RBFOX1: variants seen among roughly 807,000 people sequenced by gnomAD.
The protein encoded by RBFOX1 is RNA binding protein fox-1 homolog 1.
Under a neutral mutation model 57.7 loss-of-function variants are expected in RBFOX1, and 8 were observed. The observed-to-expected ratio is 0.14, with a 90% CI of 0.08 to 0.25. The LOEUF is 0.25. Ranked by LOEUF, RBFOX1 falls within the 10% of genes least tolerant of loss-of-function variation. The pLI is 1.00. For synonymous variants in RBFOX1, 326 were observed against 222.4 expected (o/e 1.47, Z -4.15); for missense variants, 611 against 548.5 (o/e 1.11, Z -1.14).
chr16:7,167,994 G>T (rs139575337), intron 4 of RBFOX1, among the ~76,000 whole-genome samples: 1 of 152,086 alleles, frequency 6.6e-6, no homozygotes, highest in African/African-American at 2.4e-5. Context: ...ACAAGGTAAG[G>T]ATTTTTTTTA....
intron 4 of RBFOX1, among the ~76,000 whole-genome samples, chr16:7,083,467 C>T (rs138267065): frequency 6.6e-6 from 1 of 151,930 alleles, no homozygotes; most frequent in African/African-American, 2.4e-5. Flanking sequence ...TATAAAAAAA[C>T]AAGAAATGAC....
intron 1 of RBFOX1, among the ~76,000 whole-genome samples, chr16:6,127,983 T>G (rs553623120): frequency 6.6e-6 from 1 of 152,316 alleles, no homozygotes; most frequent in African/African-American, 2.4e-5. Flanking sequence ...TCCAGTCTAG[T>G]GTTTCTCAAA....
intron 4 of RBFOX1, among the ~76,000 whole-genome samples, chr16:5,991,649 T>C (rs13380765): frequency 0.12 from 7,942 of 64,202 alleles, 162 homozygotes; most frequent in East Asian, 0.35. Context: ...TAGATAGTTT[T>C]TTTTTTTTTT....
intron 2 of RBFOX1, among the ~76,000 whole-genome samples, chr16:6,392,497 A>T (rs9934386): frequency 2.0e-5 from 3 of 152,160 alleles, no homozygotes; most frequent in African/African-American, 7.2e-5. Context: ...TGTAAAAGAG[A>T]TTGTAAGGGA....
At chr16:7,518,531 T>G in intron 5 of RBFOX1, 142 bp downstream of exon 5, 1 of 1,095,096 alleles carries the variant, frequency 9.1e-7, no homozygotes, top group Non-Finnish European at 1.2e-6. Context: ...CATACCAGCT[T>G]CCTGAAGTTT....
chr16:6,125,211 C>G (rs1048681147), intron 1 of RBFOX1, among the ~76,000 whole-genome samples: 68 of 152,252 alleles, frequency 4.5e-4, no homozygotes, highest in African/African-American at 1.6e-3. Context: ...GTCAAGCCCC[C>G]AAATCCTTAA....
At chr16:5,535,646 G>C (rs1330883145) in intron 2 of RBFOX1, among the ~76,000 whole-genome samples, 3 of 152,182 alleles carry the variant, frequency 2.0e-5, no homozygotes, top group Admixed American at 2.0e-4. Context: ...TTTTGCAACT[G>C]ATTTGTTTCG....
chr16:5,693,539 G>A, intron 3 of RBFOX1, among the ~76,000 whole-genome samples: 1 of 151,682 alleles, frequency 6.6e-6, no homozygotes, highest in South Asian at 2.1e-4. Flanking sequence ...ATTATATGTT[G>A]GGGGAAGGAG....
At chr16:5,260,678 A>G (rs2151098017) in intron 1 of RBFOX1, 1 of 152,236 alleles carries the variant, frequency 6.6e-6, no homozygotes, top group South Asian at 2.1e-4. Flanking sequence ...CAAAATCTTT[A>G]CTCCTTTTGC....
chr16:6,528,344 G>A (rs574024815), intron 2 of RBFOX1, among the ~76,000 whole-genome samples: 1 of 152,160 alleles, frequency 6.6e-6, no homozygotes, highest in African/African-American at 2.4e-5. Flanking sequence ...TTGACAAGCT[G>A]CCTAACTGTT....
intron 2 of RBFOX1, among the ~76,000 whole-genome samples, chr16:6,500,771 G>T (rs940332123): frequency 6.6e-6 from 1 of 151,874 alleles, no homozygotes; most frequent in African/African-American, 2.4e-5. Flanking sequence ...TCCTCACAAA[G>T]ATTATAAACC....
At chr16:5,756,199 C>G (rs557147867) in intron 3 of RBFOX1, among the ~76,000 whole-genome samples, 1 of 147,030 alleles carries the variant, frequency 6.8e-6, no homozygotes, top group South Asian at 2.3e-4. Flanking sequence ...TCTGTGAACC[C>G]CCTTCTTACA....
intron 3 of RBFOX1, among the ~76,000 whole-genome samples, chr16:5,784,405 C>T (rs949004343): frequency 2.0e-5 from 3 of 150,092 alleles, no homozygotes; most frequent in South Asian, 2.1e-4. Context: ...CCAGCCTGGG[C>T]GACAGAGCGA....
intron 13 of RBFOX1, among the ~76,000 whole-genome samples, chr16:7,669,312 A>G (rs112222331): frequency 3.7e-4 from 57 of 152,336 alleles, no homozygotes; most frequent in African/African-American, 1.3e-3. Flanking sequence ...AAAGAGACCA[A>G]AAAGTATAGC....
intron 2 of RBFOX1, among the ~76,000 whole-genome samples, chr16:6,628,545 C>T (rs1033087573): frequency 6.6e-6 from 1 of 152,152 alleles, no homozygotes; most frequent in African/African-American, 2.4e-5. Flanking sequence ...ACTTCATCTA[C>T]CAATCCACCT....
intron 4 of RBFOX1, among the ~76,000 whole-genome samples, chr16:7,317,156 A>C (rs928179280): frequency 6.6e-6 from 1 of 151,328 alleles, no homozygotes; most frequent in Non-Finnish European, 1.5e-5. Context: ...GTGCAAGCTG[A>C]TGGTCGCTTG....
intron 1 of RBFOX1, among the ~76,000 whole-genome samples, chr16:6,077,795 C>T (rs938158279): frequency 1.3e-5 from 2 of 151,996 alleles, no homozygotes; most frequent in Admixed American, 1.3e-4. Context: ...TAGCTCACTG[C>T]AGCCTCGACC....
At chr16:7,489,344 T>C (rs1312802242) in intron 4 of RBFOX1, among the ~76,000 whole-genome samples, 3 of 152,332 alleles carry the variant, frequency 2.0e-5, no homozygotes, top group South Asian at 4.1e-4. Context: ...ATTTCATAAT[T>C]GTTCTTAAAA....
At chr16:5,831,129 G>A (rs1385873129) in intron 3 of RBFOX1, among the ~76,000 whole-genome samples, 1 of 152,160 alleles carries the variant, frequency 6.6e-6, no homozygotes, top group African/African-American at 2.4e-5. Context: ...GTTTGGATCT[G>A]CGTTCCGACC....
Sources: gnomAD v4.1 joint callset for allele counts (sites outside exome capture counted in the v4.1 genomes callset) on GRCh38, gnomAD v4.1.1 for gene constraint, MANE v1.5 for transcripts, NCBI Gene and HGNC (gene_info 2026-07-23, HGNC 2026-07-21) for gene names.